INSIG2: variants seen among roughly 807,000 people sequenced by gnomAD.
The protein encoded by INSIG2 is insulin-induced gene 2 protein.
In INSIG2, 10 loss-of-function variants were observed where a neutral mutation model predicts 27.2. The ratio of observed to expected loss-of-function variants is 0.37; its 90% CI spans 0.23 to 0.62. INSIG2 has a LOEUF of 0.62. INSIG2 is among the 20% of genes least tolerant of loss of function. The probability of loss-of-function intolerance (pLI) is 0.65; values close to 1 mark genes in which losing one functional copy is unlikely to be tolerated. For missense variants in INSIG2, 178 were observed against 270.2 expected, an observed-to-expected ratio of 0.66 and a Z score of 2.39; for synonymous variants, 97 against 95.8, an observed-to-expected ratio of 1.01 and a Z score of -0.07.
intron 3 of INSIG2, among the ~76,000 whole-genome samples, chr2:118,104,743 C>T (rs1678631762): frequency 6.6e-6 from 1 of 152,088 alleles, no homozygotes; most frequent in Admixed American, 6.6e-5. Flanking sequence ...ATTTTCCTAC[C>T]CAGGAACCTC....
At chr2:118,092,491 A>G (rs917398094) in intron 1 of INSIG2, among the ~76,000 whole-genome samples, 1 of 152,182 alleles carries the variant, frequency 6.6e-6, no homozygotes, top group Non-Finnish European at 1.5e-5. Context: ...ACATCTAACC[A>G]TCTTTTCAGT....
intron 1 of INSIG2, among the ~76,000 whole-genome samples, chr2:118,091,240 A>G (rs1028048666): frequency 2.6e-5 from 4 of 152,248 alleles, no homozygotes; most frequent in African/African-American, 9.6e-5. Flanking sequence ...AACTGATATT[A>G]TAAACATGCT....
intron 3 of INSIG2, among the ~76,000 whole-genome samples, chr2:118,105,201 C>T (rs866950349): frequency 1.3e-5 from 2 of 151,096 alleles, no homozygotes; most frequent in African/African-American, 2.4e-5. Flanking sequence ...CCACCACACC[C>T]GGTGAATTTT....
In INSIG2 at chr2:118,103,241, G is replaced by C. The variant is rs773707343; in HGVS notation, c.289G>C (p.Glu97Gln). Reference protein sequence around the residue: ...LYPCIDRHLGEPHKFKREWSS... With the variant: ...LYPCIDRHLGQPHKFKREWSS... ...CCCCTGCATTGACAGACATCTAGGAGAACCACATAAATTTAAAAGAGAGTG... is the reference window on the plus strand; with the variant it reads ...CCCCTGCATTGACAGACATCTAGGACAACCACATAAATTTAAAAGAGAGTG... Residue 97 changes from glutamate (E) to glutamine (Q), a missense_variant, in exon 3 of 6, where the codon GAA (glutamate) becomes CAA (glutamine). Glu to Gln is a conservative substitution (Grantham distance 29, BLOSUM62 2). Transcript: ENST00000245787. 6 of 1,613,680 alleles carry C rather than the reference G, an allele frequency of 3.7e-6. No individual in the cohort carries two copies. In the South Asian group the frequency reaches 5.5e-5, roughly 15 times the overall value.
intron 2 of INSIG2, among the ~76,000 whole-genome samples, chr2:118,098,536 G>T (rs749478637): frequency 2.2e-4 from 34 of 152,298 alleles, no homozygotes; most frequent in Admixed American, 5.9e-4. Context: ...CCCTACTCAG[G>T]ATGCCACTTT....
At chr2:118,107,052 T>TG in intron 4 of INSIG2, 38 bp from the exon 5 acceptor site, 1 of 1,487,070 alleles carries the variant, frequency 6.7e-7, no homozygotes, top group Non-Finnish European at 9.4e-7. Flanking sequence ...GTCATTGCAG[T>TG]TCCTCTGTGG....
intron 4 of INSIG2, 21 bp from the exon 5 acceptor site, chr2:118,107,069 A>C (rs1369240726): frequency 6.5e-7 from 1 of 1,546,838 alleles, no homozygotes; most frequent in African/African-American, 1.4e-5. Flanking sequence ...GTGGGTATTA[A>C]AGACATGTCT....
chr2:118,092,556 G>C (rs1678280230), intron 1 of INSIG2, among the ~76,000 whole-genome samples: 1 of 152,146 alleles, frequency 6.6e-6, no homozygotes, highest in African/African-American at 2.4e-5. Context: ...GAGCAGTTGA[G>C]ATGGAATGGA....
chr2:118,089,357 G>A (rs892214813), intron 1 of INSIG2, among the ~76,000 whole-genome samples: 3 of 152,192 alleles, frequency 2.0e-5, no homozygotes, highest in Non-Finnish European at 4.4e-5. Flanking sequence ...CTTTAAAAAG[G>A]AATGGTTAGG....
chr2:118,095,831 G>A (rs1008387546), intron 1 of INSIG2, among the ~76,000 whole-genome samples: 1 of 152,126 alleles, frequency 6.6e-6, no homozygotes, highest in Non-Finnish European at 1.5e-5. Flanking sequence ...TCTGTGTTTG[G>A]TGTATATGTA....
Position 118,092,868 on chromosome 2 carries a change from T to TGAG in INSIG2, c.-138-3549_-138-3548insGGA, listed in dbSNP as rs1558832032. Among the ~76,000 whole-genome samples, 872 of 146,112 alleles carry TGAG rather than the reference T, an allele frequency of 6.0e-3. 6 individuals carry two copies. The highest frequency in any genetic ancestry group is 8.3e-3 in the Non-Finnish European group (542 of 65,328). On this transcript the variant is annotated intron_variant, in intron 1 of 5. Coordinates refer to ENST00000245787, the MANE Select transcript of INSIG2 (RefSeq NM_016133.4). ...CTTGCTAAAAGCAACCAGATGATGA[T>TGAG]GATGATGATGATGATGAGGACGAGG...
rs2104544307 is a variant in INSIG2, at chr2:118,109,406, T to G, written c.*1084T>G. ...ATTTCTCATGTATTCGTGTATCCATTAGTGAATAGTTCAAGTCTGTTTAAG... is the reference window on the plus strand; with the variant it reads ...ATTTCTCATGTATTCGTGTATCCATGAGTGAATAGTTCAAGTCTGTTTAAG... On this transcript the variant is annotated 3_prime_UTR_variant, in exon 6 of 6. Coordinates refer to ENST00000245787, the MANE Select transcript of INSIG2 (RefSeq NM_016133.4). 6.6e-6 allele frequency: 1 copy of G among 152,348 alleles called. No homozygotes were observed. The highest frequency in any genetic ancestry group is 1.9e-4 in the East Asian group (1 of 5,190). 9.4% of individuals were successfully genotyped at this position (152,348 alleles called of 1,614,324 possible). A position where few individuals can be genotyped will look rare whatever the true frequency, so the allele number is the denominator to read the frequency against.
chr2:118,108,285 A>G lies in INSIG2; in HGVS notation c.641A>G (p.Glu214Gly). The change falls in exon 6 of 6, where the codon GAA (glutamate) becomes GGA (glycine). Residue 214 changes from glutamate (E) to glycine (G), a missense_variant. Coordinates refer to ENST00000245787, the MANE Select transcript of INSIG2 (RefSeq NM_016133.4). ...TTAACCTTTTAATTTTTGCAGTACGAATGTAAAGTTATCGCAGAAAAATCT... is the reference window on the plus strand; with the variant it reads ...TTAACCTTTTAATTTTTGCAGTACGGATGTAAAGTTATCGCAGAAAAATCT... ...GNIGRQLAMY[E>G]CKVIAEKSHQ... The G allele has an allele frequency of 6.3e-7, 1 of 1,592,756 alleles. No individual in the cohort carries two copies. Among genetic ancestry groups the G allele is most frequent in the Non-Finnish European group, 8.6e-7 (1 of 1,169,256 alleles).
chr2:118,092,797 A>G (rs1025284242), intron 1 of INSIG2, among the ~76,000 whole-genome samples: 1 of 151,338 alleles, frequency 6.6e-6, no homozygotes, highest in African/African-American at 2.4e-5. Flanking sequence ...CCCTATAAAG[A>G]ATAATGATGA....
At chr2:118,105,377 C>T (rs1288722753) in intron 3 of INSIG2, among the ~76,000 whole-genome samples, 1 of 152,246 alleles carries the variant, frequency 6.6e-6, no homozygotes, top group East Asian at 1.9e-4. Flanking sequence ...TATCTATTTA[C>T]GCTGGAAGCC....
intron 2 of INSIG2, among the ~76,000 whole-genome samples, chr2:118,097,836 C>T (rs902618305): frequency 3.9e-5 from 6 of 152,056 alleles, no homozygotes; most frequent in African/African-American, 9.7e-5. Flanking sequence ...CATCCAAGAG[C>T]GGGAGGTTGA....
chr2:118,090,862 A>T (rs1019273687), intron 1 of INSIG2, among the ~76,000 whole-genome samples: 1 of 152,186 alleles, frequency 6.6e-6, no homozygotes, highest in Non-Finnish European at 1.5e-5. Context: ...CAGTTCTGTG[A>T]TCTTGGAAAG....
At position 118,103,259 on chromosome 2, in the gene INSIG2, A is replaced by T; in HGVS notation, c.307A>T (p.Arg103Ter). 6.2e-7 allele frequency: 1 copy of T among 1,613,682 alleles called. No individual in the cohort carries two copies. Among genetic ancestry groups the T allele is most frequent in the South Asian group, 1.1e-5 (1 of 91,058 alleles). ...RHLGEPHKFK[R>*]EWSSVMRCVA... Reference sequence around the variant, plus strand: ...TCTAGGAGAACCACATAAATTTAAAAGAGAGTGGTCCAGTGTAATGCGGTG... The same window carrying T: ...TCTAGGAGAACCACATAAATTTAAATGAGAGTGGTCCAGTGTAATGCGGTG... Residue 103 changes from arginine (R) to a stop codon, truncating the protein, a stop_gained, in exon 3 of 6, where the codon AGA becomes TGA. Coordinates refer to ENST00000245787, the MANE Select transcript of INSIG2 (RefSeq NM_016133.4). LOFTEE classifies it high-confidence loss of function.
chr2:118,096,459 G>A lies in INSIG2; in HGVS notation c.-98G>A, dbSNP rs878870773. The A allele has an allele frequency of 4.1e-5, 52 of 1,265,496 alleles. No individual in the cohort carries two copies. Among genetic ancestry groups the A allele is most frequent in the Middle Eastern group, 2.0e-4 (1 of 5,088 alleles). 78.4% of individuals were successfully genotyped at this position (1,265,496 alleles called of 1,614,324 possible). A position where few individuals can be genotyped will look rare whatever the true frequency, so the allele number is the denominator to read the frequency against. The stretch of plus-strand genomic sequence containing the variant: ...CTACTTTAGGACAAGATGTGGTACC[G>A]TTGAAGCGTCAGTCTTTGATTCACA... On this transcript the variant is annotated 5_prime_UTR_variant, in exon 2 of 6. Coordinates refer to ENST00000245787, the MANE Select transcript of INSIG2 (RefSeq NM_016133.4).
Sources: gnomAD v4.1 joint callset for allele counts (sites outside exome capture counted in the v4.1 genomes callset) on GRCh38, gnomAD v4.1.1 for gene constraint, MANE v1.5 for transcripts, NCBI Gene and HGNC (gene_info 2026-07-23, HGNC 2026-07-21) for gene names.